VAV3: variants seen among roughly 807,000 people sequenced by gnomAD.
VAV3 encodes the protein guanine nucleotide exchange factor VAV3.
Under a neutral mutation model 131.2 loss-of-function variants are expected in VAV3, and 94 were observed. The ratio of observed to expected loss-of-function variants is 0.72; its 90% CI spans 0.61 to 0.85. The LOEUF is 0.85. VAV3 is among the 40% of genes least tolerant of loss of function. The pLI is 0.00. For synonymous variants in VAV3, 349 were observed against 342.0 expected (o/e 1.02, Z -0.22); for missense variants, 939 against 1,002.7 (o/e 0.94, Z 0.86).
intron 15 of VAV3, among the ~76,000 whole-genome samples, chr1:107,727,494 T>C (rs1029630795): frequency 1.3e-5 from 2 of 152,250 alleles, no homozygotes; most frequent in Non-Finnish European, 2.9e-5. Flanking sequence ...AACACCTTTA[T>C]GAAATCAGGT....
chr1:107,846,569 A>G (rs1184218306), intron 2 of VAV3, among the ~76,000 whole-genome samples: 1 of 152,248 alleles, frequency 6.6e-6, no homozygotes, highest in African/African-American at 2.4e-5. Context: ...GGATGGAGGA[A>G]TATTTACCAA....
At chr1:107,679,064 A>C (rs1204537211) in intron 19 of VAV3, among the ~76,000 whole-genome samples, 1 of 152,150 alleles carries the variant, frequency 6.6e-6, no homozygotes, top group Admixed American at 6.5e-5. Flanking sequence ...CCTGTGCTTA[A>C]TGTCAGATAA....
At chr1:107,659,949 T>C (rs1301484747) in intron 19 of VAV3, among the ~76,000 whole-genome samples, 1 of 152,198 alleles carries the variant, frequency 6.6e-6, no homozygotes, top group East Asian at 1.9e-4. Context: ...AAATTCTTAA[T>C]GGCAAACATT....
At chr1:107,959,905 G>A (rs1475656698) in intron 1 of VAV3, among the ~76,000 whole-genome samples, 1 of 152,046 alleles carries the variant, frequency 6.6e-6, no homozygotes, top group African/African-American at 2.4e-5. Context: ...TCAGTAAATG[G>A]GAACTTCATC....
chr1:107,634,686 A>G (rs2101429410), intron 20 of VAV3, among the ~76,000 whole-genome samples: 1 of 150,958 alleles, frequency 6.6e-6, no homozygotes, highest in African/African-American at 2.4e-5. Flanking sequence ...TGAACAGGCA[A>G]CCTACAACAT....
intron 2 of VAV3, among the ~76,000 whole-genome samples, chr1:107,868,050 A>G (rs931080494): frequency 3.3e-5 from 5 of 152,178 alleles, no homozygotes; most frequent in Admixed American, 1.3e-4. Flanking sequence ...TGCTAGCATC[A>G]GAGCACTAAA....
intron 25 of VAV3, among the ~76,000 whole-genome samples, chr1:107,579,529 T>G (rs1463549161): frequency 1.3e-5 from 2 of 152,224 alleles, no homozygotes; most frequent in Non-Finnish European, 1.5e-5. Context: ...TAAAGTGCTT[T>G]CTTTCTCTGC....
chr1:107,961,315 A>C (rs1675071789), intron 1 of VAV3, among the ~76,000 whole-genome samples: 1 of 152,176 alleles, frequency 6.6e-6, no homozygotes, highest in Non-Finnish European at 1.5e-5. Context: ...CTTAACCACT[A>C]AAAGTGACAT....
At chr1:107,652,976 C>T (rs1195247466) in intron 19 of VAV3, among the ~76,000 whole-genome samples, 1 of 151,766 alleles carries the variant, frequency 6.6e-6, no homozygotes, top group African/African-American at 2.4e-5. Flanking sequence ...AGAAAAACAC[C>T]CAACTTTTTT....
intron 15 of VAV3, among the ~76,000 whole-genome samples, chr1:107,715,996 CAAAA>C (rs1661070589): frequency 6.6e-6 from 1 of 152,068 alleles, no homozygotes; most frequent in African/African-American, 2.4e-5. Flanking sequence ...TATTAGGGAA[CAAAA>C]GAAAGAAATC....
intron 1 of VAV3, among the ~76,000 whole-genome samples, chr1:107,918,790 C>G (rs1389949146): frequency 6.7e-6 from 1 of 149,906 alleles, no homozygotes; most frequent in East Asian, 2.0e-4. Flanking sequence ...ACCGCAACCT[C>G]TGCCTCCCGA....
At chr1:107,744,991 A>T (rs1180267960) in intron 15 of VAV3, among the ~76,000 whole-genome samples, 2 of 152,238 alleles carry the variant, frequency 1.3e-5, no homozygotes, top group Non-Finnish European at 2.9e-5. Flanking sequence ...TAAATCTCAT[A>T]GAAAAATTCA....
chr1:107,610,378 T>C (rs1229583911), intron 21 of VAV3, among the ~76,000 whole-genome samples: 1 of 152,122 alleles, frequency 6.6e-6, no homozygotes, highest in South Asian at 2.1e-4. Flanking sequence ...TGTGGGTATT[T>C]AATATTTTTA....
At chr1:107,866,670 A>C (rs2100997959) in intron 2 of VAV3, among the ~76,000 whole-genome samples, 1 of 151,970 alleles carries the variant, frequency 6.6e-6, no homozygotes, top group South Asian at 2.1e-4. Context: ...AAAAATACAA[A>C]AAATTACCCA....
intron 2 of VAV3, among the ~76,000 whole-genome samples, chr1:107,820,408 T>A (rs1023483647): frequency 2.6e-5 from 4 of 152,024 alleles, no homozygotes; most frequent in African/African-American, 9.7e-5. Flanking sequence ...GAGCTAAAAA[T>A]TAAAACTATT....
chr1:107,737,880 A>T (rs1662762179), intron 15 of VAV3, among the ~76,000 whole-genome samples: 1 of 152,246 alleles, frequency 6.6e-6, no homozygotes. Flanking sequence ...ATTATAAATC[A>T]TGCTACTATA....
At chr1:107,898,814 T>C (rs6583055) in intron 1 of VAV3, among the ~76,000 whole-genome samples, 45,309 of 152,028 alleles carry the variant, frequency 0.3, 7,109 homozygotes, top group African/African-American at 0.42. Context: ...AAACAAAACA[T>C]CTTTTAAACT....
At position 107,936,231 on chromosome 1, in the gene VAV3, CA is replaced by C. The variant is rs200042150; in HGVS notation, c.204+28434del. On this transcript the variant is annotated intron_variant, in intron 1 of 26. Transcript: ENST00000370056. ...ATCTGAAAATAATTTGAATAATCAA[CA>C]ATGACTTAATGCAACATGTAACACT... Among the ~76,000 whole-genome samples, 553 of 152,162 alleles carry C rather than the reference CA, an allele frequency of 3.6e-3. 6 individuals are homozygous for C. The highest frequency in any genetic ancestry group is 0.013 in the African/African-American group (525 of 41,492).
chr1:107,790,507 A>T (rs1460676960), intron 2 of VAV3, among the ~76,000 whole-genome samples: 1 of 152,184 alleles, frequency 6.6e-6, no homozygotes, highest in East Asian at 1.9e-4. Context: ...GCCAGAGGAG[A>T]GGAGAAGAAG....
Sources: gnomAD v4.1 joint callset for allele counts (sites outside exome capture counted in the v4.1 genomes callset) on GRCh38, gnomAD v4.1.1 for gene constraint, MANE v1.5 for transcripts, NCBI Gene and HGNC (gene_info 2026-07-23, HGNC 2026-07-21) for gene names.